MOXD1: variants seen among roughly 807,000 people sequenced by gnomAD.
MOXD1 encodes the protein monooxygenase DBH like 1, also known as DBH-like monooxygenase protein 1.
Under a neutral mutation model 66.6 loss-of-function variants are expected in MOXD1, and 62 were observed. The ratio of observed to expected loss-of-function variants is 0.93; its 90% CI spans 0.76 to 1.15. The LOEUF is 1.15. MOXD1 is among the 50% of genes most tolerant of loss of function. The pLI is 0.00. For synonymous variants in MOXD1, 303 were observed against 281.9 expected, an observed-to-expected ratio of 1.07 and a Z score of -0.75; for missense variants, 847 against 754.6, an observed-to-expected ratio of 1.12 and a Z score of -1.44.
At chr6:132,331,068 G>A (rs889106513) in intron 4 of MOXD1, among the ~76,000 whole-genome samples, 2 of 152,124 alleles carry the variant, frequency 1.3e-5, no homozygotes, top group East Asian at 1.9e-4. Context: ...GGTAGTTATC[G>A]TTCAAGCATG....
chr6:132,308,934 G>A (rs1438602905), intron 10 of MOXD1, among the ~76,000 whole-genome samples: 1 of 152,172 alleles, frequency 6.6e-6, no homozygotes, highest in African/African-American at 2.4e-5. Flanking sequence ...GCAAAAGCTG[G>A]AAGCATTCCC....
At chr6:132,322,082 A>G (rs948893422) in intron 8 of MOXD1, among the ~76,000 whole-genome samples, 1 of 152,198 alleles carries the variant, frequency 6.6e-6, no homozygotes, top group African/African-American at 2.4e-5. Flanking sequence ...AAATTATACT[A>G]CAAGTGAGCT....
chr6:132,328,102 G>A lies in MOXD1; in HGVS notation c.857C>T (p.Pro286Leu), dbSNP rs773403183. ...WAIGGEGFSY[P>L]PHVGLSLGTP... ...GCCAAGGGATAATCCAACATGAGGT[G>A]GATAAGAAAAGCCCTAAATATGGAA... is the stretch of plus-strand genomic sequence containing the variant. The change falls in exon 6 of 12, where the codon CCA (proline) becomes CTA (leucine). Residue 286 changes from proline (P) to leucine (L), a missense_variant. Coordinates refer to ENST00000367963, the MANE Select transcript of MOXD1 (RefSeq NM_015529.4). The A allele has an allele frequency of 6.2e-7, 1 of 1,613,322 alleles. No homozygotes were observed.
In MOXD1 at chr6:132,401,335, AG is replaced by A; in HGVS notation, c.91del (p.Leu31TrpfsTer68). On this transcript the variant is annotated frameshift_variant, in exon 1 of 12. Transcript: ENST00000367963. LOFTEE classifies it high-confidence loss of function. Reference protein sequence around the residue: ...SGRTYPHRTLLDSEGKYWLGW... With the variant: ...SGRTYPHRTLXDSEGKYWLGW... ...CAGCCAGTACTTGCCCTCCGAGTCCAGGAGGGTCCGGTGCGGATAGGTTCGG... is the reference window on the plus strand; with the variant it reads ...CAGCCAGTACTTGCCCTCCGAGTCCAGAGGGTCCGGTGCGGATAGGTTCGG... The A allele has an allele frequency of 6.3e-7, 1 of 1,584,526 alleles. No homozygotes were observed. The highest frequency in any genetic ancestry group is 8.5e-7 in the Non-Finnish European group (1 of 1,170,390).
intron 4 of MOXD1, among the ~76,000 whole-genome samples, chr6:132,348,319 T>C (rs1164060244): frequency 6.6e-6 from 1 of 152,182 alleles, no homozygotes; most frequent in Admixed American, 6.5e-5. Context: ...ATTCTGTAAT[T>C]TTTACTTTGC....
intron 4 of MOXD1, among the ~76,000 whole-genome samples, chr6:132,349,003 T>C (rs1435279455): frequency 6.6e-6 from 1 of 151,994 alleles, no homozygotes; most frequent in African/African-American, 2.4e-5. Context: ...TTCCAAGGGT[T>C]ACGGGGGCAC....
At position 132,385,501 on chromosome 6, in the gene MOXD1, A is replaced by ATTATTATTATTATTT. The variant is rs1554237945; in HGVS notation, c.265-10725_265-10724insAAATAATAATAATAA. Among the ~76,000 whole-genome samples the ATTATTATTATTATTT allele has an allele frequency of 2.1e-3, 262 of 125,352 alleles. 3 individuals are homozygous for ATTATTATTATTATTT. The highest frequency in any genetic ancestry group is 9.2e-3 in the Middle Eastern group (2 of 218). The allele number at this position is 125,352 out of a possible 152,430, so 82.2% of individuals were successfully genotyped here. On this transcript the variant is annotated intron_variant, in intron 1 of 11. Transcript: ENST00000367963. ...TATTATTATTATTATTATTATTATT[A>ATTATTATTATTATTT]GAGACACAGTTTCACTCCATTACCC... is the stretch of plus-strand genomic sequence containing the variant.
chr6:132,298,210 G>A (rs553575340), intron 10 of MOXD1, among the ~76,000 whole-genome samples: 27 of 152,128 alleles, frequency 1.8e-4, no homozygotes, highest in African/African-American at 6.0e-4. Context: ...TAATAGATAT[G>A]GGGTCTTGCT....
intron 10 of MOXD1, 73 bp from the exon 11 acceptor site, chr6:132,298,028 TA>T (rs1259104477): frequency 6.8e-5 from 89 of 1,316,550 alleles, no homozygotes; most frequent in Non-Finnish European, 9.0e-5. Flanking sequence ...TTCAGCATCC[TA>T]AAATAGATCT....
intron 4 of MOXD1, among the ~76,000 whole-genome samples, chr6:132,342,793 C>A (rs374890523): frequency 3.9e-5 from 6 of 152,118 alleles, no homozygotes; most frequent in African/African-American, 1.4e-4. Flanking sequence ...ATTCAGAGAA[C>A]TTTTCCAATA....
chr6:132,369,644 A>G (rs890232707), intron 4 of MOXD1, among the ~76,000 whole-genome samples: 2 of 152,058 alleles, frequency 1.3e-5, no homozygotes, highest in African/African-American at 4.8e-5. Flanking sequence ...ATACCATGAC[A>G]ATCTGATAAC....
At chr6:132,351,589 G>A (rs778646259) in intron 4 of MOXD1, among the ~76,000 whole-genome samples, 27 of 152,096 alleles carry the variant, frequency 1.8e-4, no homozygotes, top group East Asian at 1.2e-3. Flanking sequence ...TGGTTATATC[G>A]GTCAGTAGTT....
intron 4 of MOXD1, among the ~76,000 whole-genome samples, chr6:132,329,029 T>C (rs1396431941): frequency 6.6e-6 from 1 of 152,146 alleles, no homozygotes; most frequent in Non-Finnish European, 1.5e-5. Flanking sequence ...GTTTGTTACA[T>C]ATGTATACAT....
chr6:132,338,782 A>C (rs1775491279), intron 4 of MOXD1, among the ~76,000 whole-genome samples: 1 of 152,026 alleles, frequency 6.6e-6, no homozygotes, highest in South Asian at 2.1e-4. Context: ...CTTCTCACCA[A>C]CTCGGTTCCT....
In MOXD1 at chr6:132,390,019, G is replaced by A. The variant is rs1379276352; in HGVS notation, c.264+11144C>T. Among the ~76,000 whole-genome samples, 3 of 151,060 alleles carry A rather than the reference G, an allele frequency of 2.0e-5. 1 individual carries two copies. The highest frequency in any genetic ancestry group is 4.4e-5 in the Non-Finnish European group (3 of 67,590). On this transcript the variant is annotated intron_variant, in intron 1 of 11. Transcript: ENST00000367963. ...AGCTCTCTAATATTATTGAAGATGA[G>A]AAAGAATACAGAATATAAGAGAAAT...
rs538422377 is a variant in MOXD1 at position 132,381,274 on chromosome 6, A to G, written c.265-6497T>C. The stretch of plus-strand genomic sequence containing the variant: ...TGATATTCACAGCTTTGTGGTATAG[A>G]AATAGTTTAACTTAATGAGACCAAA... On this transcript the variant is annotated intron_variant, in intron 1 of 11. Coordinates refer to ENST00000367963, the MANE Select transcript of MOXD1 (RefSeq NM_015529.4). Among the ~76,000 whole-genome samples, 10 of 152,344 alleles carry G rather than the reference A, an allele frequency of 6.6e-5. No homozygotes were observed. The South Asian group carries it at 2.1e-3, about 32-fold the overall frequency.
At chr6:132,307,546 C>T (rs116040073) in intron 10 of MOXD1, among the ~76,000 whole-genome samples, 3,012 of 152,272 alleles carry the variant, frequency 0.02, 106 homozygotes, top group African/African-American at 0.069. Flanking sequence ...AACTGTCTAC[C>T]TGAAATCAAC....
At chr6:132,389,051 A>T (rs1402063134) in intron 1 of MOXD1, among the ~76,000 whole-genome samples, 1 of 150,980 alleles carries the variant, frequency 6.6e-6, no homozygotes, top group East Asian at 1.9e-4. Context: ...TATTATTATT[A>T]TTTGGGGGAC....
intron 1 of MOXD1, among the ~76,000 whole-genome samples, chr6:132,389,870 A>C (rs1221098655): frequency 1.3e-5 from 2 of 151,490 alleles, no homozygotes; most frequent in Admixed American, 6.6e-5. Context: ...ATAGAAAAAA[A>C]AGGCAGACAT....
Sources: gnomAD v4.1 joint callset for allele counts (sites outside exome capture counted in the v4.1 genomes callset) on GRCh38, gnomAD v4.1.1 for gene constraint, MANE v1.5 for transcripts, NCBI Gene and HGNC (gene_info 2026-07-23, HGNC 2026-07-21) for gene names.